The following PTGER4 variants were observed in gnomAD, a reference collection of about 807,000 sequenced individuals.
PTGER4 encodes the protein prostaglandin E2 receptor EP4 subtype.
PTGER4 carries 11 observed loss-of-function variants against 33.2 expected under a neutral mutation model. That is an observed-to-expected ratio of 0.33 (90% CI 0.21 to 0.55). PTGER4 has a LOEUF of 0.55. Ranked by LOEUF, PTGER4 falls within the 20% of genes least tolerant of loss-of-function variation. The pLI is 0.92. For synonymous variants in PTGER4, 275 were observed against 281.5 expected (o/e 0.98, Z 0.23); for missense variants, 481 against 650.2 (o/e 0.74, Z 2.83).
At chr5:40,728,261 G>T in the PTGER4 span, 1 of 872,288 alleles carries the variant, frequency 1.1e-6, no homozygotes, top group East Asian at 4.0e-5. Flanking sequence ...TGTACCCTGG[G>T]TGACATCAAG....
the PTGER4 span, among the ~76,000 whole-genome samples, chr5:40,701,139 C>T: frequency 5.9e-5 from 9 of 152,314 alleles, no homozygotes; most frequent in East Asian, 3.9e-4. Flanking sequence ...GTCCTCCAAA[C>T]GACTGCACCA....
At chr5:40,697,274 GAAAGAAAGAA>G (rs1741632408), downstream of PTGER4, among the ~76,000 whole-genome samples, 1 of 123,172 alleles carries the variant, frequency 8.1e-6, no homozygotes, top group African/African-American at 2.7e-5. Flanking sequence ...AAGAAAGAAA[GAAAGAAAGAA>G]AGAAAGAAAG....
At position 40,687,029 on chromosome 5, in the gene PTGER4, T is replaced by TTTTTTG. The variant is rs45527140; in HGVS notation, c.868-4721_868-4716dup. On this transcript the variant is annotated intron_variant, in intron 2 of 2. Transcript: ENST00000302472. ...GATACGTTGTTTGTATTCAGTGAGTTTTTTTGTTTTTGTTTTTGTTTTTGT... is the reference window on the plus strand; with the variant it reads ...GATACGTTGTTTGTATTCAGTGAGTTTTTTTGTTTTTGTTTTTGTTTTTGTTTTTGT... Among the ~76,000 whole-genome samples the TTTTTTG allele has an allele frequency of 2.5e-3, 381 of 152,012 alleles. 2 individuals carry two copies. The highest frequency in any genetic ancestry group is 7.7e-3 in the African/African-American group (319 of 41,398).
the PTGER4 span, among the ~76,000 whole-genome samples, chr5:40,713,726 A>T: frequency 2.0e-5 from 3 of 152,194 alleles, no homozygotes; most frequent in African/African-American, 7.2e-5. Context: ...ATTATAGTCA[A>T]TATAACTTGA....
the PTGER4 span, among the ~76,000 whole-genome samples, chr5:40,735,819 G>A: frequency 6.6e-6 from 1 of 152,192 alleles, no homozygotes; most frequent in South Asian, 2.1e-4. Context: ...AATGACAACA[G>A]AGAAGTGATG....
chr5:40,684,500 C>T (rs1356645456), intron 2 of PTGER4, among the ~76,000 whole-genome samples: 2 of 152,098 alleles, frequency 1.3e-5, no homozygotes, highest in Non-Finnish European at 1.5e-5. Context: ...GGTTTTGCCT[C>T]CTGGACACCA....
At chr5:40,746,763 C>T in the PTGER4 span, 1 of 1,500,498 alleles carries the variant, frequency 6.7e-7, no homozygotes, top group East Asian at 2.3e-5. Flanking sequence ...AAAATGTAAG[C>T]TCTTCTCCAT....
downstream of PTGER4, chr5:40,696,728 C>T: frequency 1.0e-6 from 1 of 975,004 alleles, no homozygotes; most frequent in Non-Finnish European, 1.2e-6. Context: ...AACGTTTAAC[C>T]ACAGCAACTC....
At chr5:40,722,296 T>C in the PTGER4 span, among the ~76,000 whole-genome samples, 1 of 152,156 alleles carries the variant, frequency 6.6e-6, no homozygotes, top group Non-Finnish European at 1.5e-5. Context: ...CCTCCCAAAG[T>C]GCCGAGATTG....
chr5:40,739,026 T>C, the PTGER4 span, among the ~76,000 whole-genome samples: 2 of 152,226 alleles, frequency 1.3e-5, no homozygotes, highest in Admixed American at 1.3e-4. Context: ...TTAAGCCTTT[T>C]AAAAACCAGA....
At chr5:40,743,750 GGCAACAGT>G in the PTGER4 span, among the ~76,000 whole-genome samples, 1 of 152,064 alleles carries the variant, frequency 6.6e-6, no homozygotes, top group Non-Finnish European at 1.5e-5. Context: ...CTCCAGCCTG[GGCAACAGT>G]GCAAGACTCC....
the PTGER4 span, among the ~76,000 whole-genome samples, chr5:40,718,760 G>T: frequency 1.3e-5 from 2 of 151,750 alleles, no homozygotes; most frequent in African/African-American, 4.8e-5. Context: ...AATTAGCTGG[G>T]TGTAGTGGTG....
At chr5:40,723,158 A>C in the PTGER4 span, among the ~76,000 whole-genome samples, 5 of 152,142 alleles carry the variant, frequency 3.3e-5, no homozygotes, top group Non-Finnish European at 7.4e-5. Flanking sequence ...TCTCTGAAAC[A>C]TGTGCTGTGT....
At chr5:40,737,818 T>A in the PTGER4 span, among the ~76,000 whole-genome samples, 1 of 152,222 alleles carries the variant, frequency 6.6e-6, no homozygotes, top group African/African-American at 2.4e-5. Context: ...TAGACAGATT[T>A]ATAAAATTGG....
chr5:40,681,877 G>A lies in PTGER4; in HGVS notation c.867+17G>A. 6.7e-7 allele frequency: 1 copy of A among 1,490,782 alleles called. No homozygotes were observed. Among genetic ancestry groups the A allele is most frequent in the Admixed American group, 2.5e-5 (1 of 40,262 alleles). 92.3% of individuals were successfully genotyped at this position (1,490,782 alleles called of 1,614,324 possible). A position where few individuals can be genotyped will look rare whatever the true frequency, so the allele number is the denominator to read the frequency against. ...CCGCTCGTGGTGAGTGACCGGGGCT[G>A]GGGCCCTACTCGGCCTTTTTCTCGC... On this transcript the variant is annotated intron_variant, in intron 2 of 2. Coordinates refer to ENST00000302472, the MANE Select transcript of PTGER4 (RefSeq NM_000958.3). This position sits in a 1 kb window ranked among gnomAD's most constrained non-coding sequence, Gnocchi z 9.8.
chr5:40,713,888 G>C, the PTGER4 span, among the ~76,000 whole-genome samples: 14 of 152,132 alleles, frequency 9.2e-5, no homozygotes, highest in Middle Eastern at 3.4e-3. Context: ...TAAAATAATG[G>C]GTGCATTTTT....
the PTGER4 span, among the ~76,000 whole-genome samples, chr5:40,726,826 A>G: frequency 6.6e-6 from 1 of 152,154 alleles, no homozygotes; most frequent in Non-Finnish European, 1.5e-5. Context: ...AATTTTTAAT[A>G]AGGGAGGCAA....
At chr5:40,720,605 A>C in the PTGER4 span, among the ~76,000 whole-genome samples, 3 of 152,238 alleles carry the variant, frequency 2.0e-5, no homozygotes, top group Non-Finnish European at 2.9e-5. Context: ...TAGCATCAGC[A>C]AGATGGCAGA....
At chr5:40,706,724 A>T in the PTGER4 span, among the ~76,000 whole-genome samples, 1 of 152,040 alleles carries the variant, frequency 6.6e-6, no homozygotes, top group Admixed American at 6.6e-5. Flanking sequence ...CATGAAAATT[A>T]AAAACTTCTG....
Sources: gnomAD v4.1 joint callset for allele counts (sites outside exome capture counted in the v4.1 genomes callset) on GRCh38, gnomAD v4.1.1 for gene constraint, Gnocchi (gnomAD v3.1) non-coding constraint, MANE v1.5 for transcripts, NCBI Gene and HGNC (gene_info 2026-07-23, HGNC 2026-07-21) for gene names.